The following SHC3 variants were observed in gnomAD, a reference collection of about 807,000 sequenced individuals.
SHC3 encodes SHC-transforming protein 3.
In SHC3, 15 loss-of-function variants were observed where a neutral mutation model predicts 60.4. The observed-to-expected ratio is 0.25, with a 90% CI of 0.17 to 0.38. SHC3 has a LOEUF of 0.38. Among genes scored for constraint, SHC3 ranks in the 10% least tolerant of loss-of-function variants. SHC3 has a pLI of 1.00. For synonymous variants in SHC3, 294 were observed against 325.9 expected, an observed-to-expected ratio of 0.90 and a Z score of 1.05; for missense variants, 677 against 786.1, an observed-to-expected ratio of 0.86 and a Z score of 1.66.
chr9:89,121,929 CACTATCAGTA>C (rs1383856090), intron 1 of SHC3, among the ~76,000 whole-genome samples: 1 of 152,194 alleles, frequency 6.6e-6, no homozygotes, highest in Non-Finnish European at 1.5e-5. Flanking sequence ...GGCCAACTTT[CACTATCAGTA>C]ACTATATTTG....
At chr9:89,096,685 C>T (rs1014349973) in intron 2 of SHC3, among the ~76,000 whole-genome samples, 8 of 152,124 alleles carry the variant, frequency 5.3e-5, no homozygotes, top group Non-Finnish European at 1.0e-4. Context: ...TGTAGGTTAG[C>T]GTAGCGCAGC....
In SHC3 at chr9:89,046,830, A is replaced by C. The variant is rs752182826; in HGVS notation, c.1113+14T>G. On this transcript the variant is annotated intron_variant, in intron 8 of 11. Transcript: ENST00000375835. Reference sequence around the variant, plus strand: ...CCTCCATTCCTTATATAAGAAAAAAACTATAAGACTTACCTGGGCTGTGTC... The same window carrying C: ...CCTCCATTCCTTATATAAGAAAAAACCTATAAGACTTACCTGGGCTGTGTC... 3 of 1,519,364 alleles carry C rather than the reference A, an allele frequency of 2.0e-6. No homozygotes were observed. The highest frequency in any genetic ancestry group is 2.6e-6 in the Non-Finnish European group (3 of 1,134,614). 94.1% of individuals were successfully genotyped at this position (1,519,364 alleles called of 1,614,324 possible). A position where few individuals can be genotyped will look rare whatever the true frequency, so the allele number is the denominator to read the frequency against.
chr9:89,060,179 G>A (rs62547196), intron 6 of SHC3, among the ~76,000 whole-genome samples: 79,065 of 146,686 alleles, frequency 0.54, 21,921 homozygotes, highest in East Asian at 0.98. Context: ...TGTGGTGGAG[G>A]ACATGGTGTA....
chr9:89,128,965 A>C (rs1052990963), intron 1 of SHC3, among the ~76,000 whole-genome samples: 6 of 152,192 alleles, frequency 3.9e-5, no homozygotes, highest in Admixed American at 2.6e-4. Context: ...CTCTGAGCTA[A>C]AGGAGGATGT....
intron 1 of SHC3, among the ~76,000 whole-genome samples, chr9:89,124,794 G>A (rs1311332815): frequency 1.3e-5 from 2 of 151,754 alleles, no homozygotes; most frequent in Non-Finnish European, 2.9e-5. Context: ...CATGGCACAT[G>A]TCTACCTATG....
In SHC3 at chr9:89,123,418, G is replaced by A. The variant is rs1278945102; in HGVS notation, c.475-10792C>T. Among the ~76,000 whole-genome samples, 6 of 152,098 alleles carry A rather than the reference G, an allele frequency of 3.9e-5. No individual in the cohort carries two copies. The South Asian group carries it at 6.2e-4, about 16-fold the overall frequency. Reference sequence around the variant, plus strand: ...CTCCCTCCTCAATGATCCTCTTGAGGGTCATCTCATTCTGATGAGAGATGG... The same window carrying A: ...CTCCCTCCTCAATGATCCTCTTGAGAGTCATCTCATTCTGATGAGAGATGG... On this transcript the variant is annotated intron_variant, in intron 1 of 11. Transcript: ENST00000375835.
At chr9:89,054,897 C>A (rs1387810049) in intron 6 of SHC3, among the ~76,000 whole-genome samples, 1 of 152,144 alleles carries the variant, frequency 6.6e-6, no homozygotes, top group Non-Finnish European at 1.5e-5. Flanking sequence ...TTATTTTGCC[C>A]CGCCAATAAA....
chr9:89,042,451 A>G (rs951789917), intron 9 of SHC3, among the ~76,000 whole-genome samples: 8 of 152,252 alleles, frequency 5.3e-5, no homozygotes, highest in Middle Eastern at 3.4e-3. Flanking sequence ...CTTAGCAAAA[A>G]TTTTGGCCCT....
At chr9:89,158,663 G>A (rs1564187870) in intron 1 of SHC3, among the ~76,000 whole-genome samples, 1 of 152,160 alleles carries the variant, frequency 6.6e-6, no homozygotes, top group Non-Finnish European at 1.5e-5. Flanking sequence ...AACTATAATT[G>A]TGGATATATA....
chr9:89,058,820 T>G (rs1825004473), intron 6 of SHC3, among the ~76,000 whole-genome samples: 1 of 99,756 alleles, frequency 1.0e-5, no homozygotes, highest in African/African-American at 4.1e-5. Context: ...GTAGAAGACA[T>G]GGTGGAGGAC....
Position 89,142,195 on chromosome 9 carries a change from G to A in SHC3, c.475-29569C>T, listed in dbSNP as rs1292913946. Among the ~76,000 whole-genome samples the A allele has an allele frequency of 2.0e-5, 3 of 152,152 alleles. No individual in the cohort carries two copies. In the South Asian group the frequency reaches 6.2e-4, roughly 32 times the overall value. On this transcript the variant is annotated intron_variant, in intron 1 of 11. Coordinates refer to ENST00000375835, the MANE Select transcript of SHC3 (RefSeq NM_016848.6). ...GGCTCCTCCAACCCCCTAAATCTTA[G>A]GAATGACTCTAACCTTCTTAAGTTG...
At chr9:89,018,156 A>T (rs1360450113) in intron 11 of SHC3, among the ~76,000 whole-genome samples, 2 of 152,222 alleles carry the variant, frequency 1.3e-5, no homozygotes, top group African/African-American at 2.4e-5. Context: ...TACCCAAAGG[A>T]TTTTAAATCA....
At chr9:89,153,484 C>T (rs1276121317) in intron 1 of SHC3, among the ~76,000 whole-genome samples, 1 of 152,220 alleles carries the variant, frequency 6.6e-6, no homozygotes. Context: ...CAAAACTCCT[C>T]CCTGGTTATC....
chr9:89,166,589 C>A (rs916463777), intron 1 of SHC3, among the ~76,000 whole-genome samples: 6 of 151,940 alleles, frequency 3.9e-5, no homozygotes, highest in Admixed American at 1.3e-4. Flanking sequence ...GGAGGTCAGG[C>A]GGCAAAAGAA....
intron 11 of SHC3, among the ~76,000 whole-genome samples, chr9:89,032,405 C>T (rs1035133851): frequency 5.3e-5 from 8 of 152,174 alleles, no homozygotes; most frequent in Admixed American, 1.3e-4. Flanking sequence ...CACCCACCAG[C>T]GGTAGCAACA....
Position 89,063,470 on chromosome 9 carries a change from C to T in SHC3, c.835+2059G>A, listed in dbSNP as rs79091729. ...AATCTATGGCAGAAGTGAAGCTTAGCCCGGCCTTTCAGAGCACTGGACACA... is the reference window on the plus strand; with the variant it reads ...AATCTATGGCAGAAGTGAAGCTTAGTCCGGCCTTTCAGAGCACTGGACACA... On this transcript the variant is annotated intron_variant, in intron 6 of 11. Transcript: ENST00000375835. 7.4e-3 allele frequency among the ~76,000 whole-genome samples: 1,121 copies of T among 152,312 alleles called. 6 individuals carry two copies. Among genetic ancestry groups the T allele is most frequent in the Middle Eastern group, 0.024 (7 of 294 alleles).
At chr9:89,118,899 A>G (rs1408852920) in intron 1 of SHC3, among the ~76,000 whole-genome samples, 1 of 152,196 alleles carries the variant, frequency 6.6e-6, no homozygotes, top group Non-Finnish European at 1.5e-5. Flanking sequence ...GCAAGAAACA[A>G]TGACGATAAA....
chr9:89,116,917 C>A (rs962694791), intron 1 of SHC3, among the ~76,000 whole-genome samples: 1 of 152,126 alleles, frequency 6.6e-6, no homozygotes, highest in Non-Finnish European at 1.5e-5. Flanking sequence ...ACATGAATAA[C>A]AATTAACATT....
At chr9:89,121,880 T>C (rs747091211) in intron 1 of SHC3, among the ~76,000 whole-genome samples, 1 of 152,210 alleles carries the variant, frequency 6.6e-6, no homozygotes, top group Non-Finnish European at 1.5e-5. Flanking sequence ...ATTATGAGGA[T>C]AAATTACAGC....
Sources: gnomAD v4.1 joint callset for allele counts (sites outside exome capture counted in the v4.1 genomes callset) on GRCh38, gnomAD v4.1.1 for gene constraint, MANE v1.5 for transcripts, NCBI Gene and HGNC (gene_info 2026-07-23, HGNC 2026-07-21) for gene names.